Variants in ADAMTS10 observed in about 807,000 individuals in gnomAD.
ADAMTS10 encodes the protein A disintegrin and metalloproteinase with thrombospondin motifs 10.
Under a neutral mutation model 135.9 loss-of-function variants are expected in ADAMTS10, and 48 were observed. The ratio of observed to expected loss-of-function variants is 0.35; its 90% CI spans 0.28 to 0.45. ADAMTS10 has a LOEUF of 0.45. Among genes scored for constraint, ADAMTS10 ranks in the 20% least tolerant of loss-of-function variants. The pLI is 1.00. For missense variants in ADAMTS10, 1,131 were observed against 1,565.2 expected, an observed-to-expected ratio of 0.72 and a Z score of 4.68; for synonymous variants, 621 against 647.5, an observed-to-expected ratio of 0.96 and a Z score of 0.62.
chr19:8,605,313 G>C lies in ADAMTS10; in HGVS notation c.134C>G (p.Thr45Ser). Residue 45 changes from threonine to serine, a missense_variant, in exon 4 of 26, where the codon ACC becomes AGC. Coordinates refer to ENST00000597188, the MANE Select transcript of ADAMTS10 (RefSeq NM_030957.4). The surrounding 1 kb of genome is among the most constrained non-coding windows in gnomAD (Gnocchi z 7.7). ...SLESYEIAFP[T>S]RVDHNGALLA... ...CAGTGCCCCGTTGTGGTCCACGCGG[G>C]TGGGGAAGGCGATCTCATAGCTCTC... The C allele has an allele frequency of 6.2e-7, 1 of 1,610,940 alleles. No individual in the cohort carries two copies. The highest frequency in any genetic ancestry group is 1.1e-5 in the South Asian group (1 of 90,502).
At position 8,596,425 on chromosome 19, in the gene ADAMTS10, A is replaced by G. The variant is rs1319687676; in HGVS notation, c.1085-13T>C. The G allele has an allele frequency of 6.2e-7, 1 of 1,613,680 alleles. No homozygotes were observed. Among genetic ancestry groups the G allele is most frequent in the African/African-American group, 1.3e-5 (1 of 74,928 alleles). On this transcript the variant is annotated splice_polypyrimidine_tract_variant and intron_variant, in intron 9 of 25. Transcript: ENST00000597188. The surrounding 1 kb of genome is among the most constrained non-coding windows in gnomAD (Gnocchi z 7.2). Reference sequence around the variant, plus strand: ...ACCGGGGCCAGGCCTGGGAAGACGGACATGTGGGGATGGGGCTGGGAGGCT... The same window carrying G: ...ACCGGGGCCAGGCCTGGGAAGACGGGCATGTGGGGATGGGGCTGGGAGGCT...
At chr19:8,581,842 A>G (rs1476227389) in intron 25 of ADAMTS10, among the ~76,000 whole-genome samples, 1 of 137,776 alleles carries the variant, frequency 7.3e-6, no homozygotes, top group Admixed American at 7.7e-5. Context: ...CACAAAACAA[A>G]ACAAAAAAAC....
rs145305684 is a variant in ADAMTS10, at chr19:8,581,003, C to T, written c.3203-1G>A. 6.2e-7 allele frequency: 1 copy of T among 1,610,954 alleles called. No individual in the cohort carries two copies. Among genetic ancestry groups the T allele is most frequent in the Non-Finnish European group, 8.5e-7 (1 of 1,177,734 alleles). ...GCGACCTTGTTCACATCCTTGCACT[C>T]TGCGGGGACGGGAGAAGGAAGGAAA... On this transcript the variant is annotated splice_acceptor_variant, in intron 25 of 25. Transcript: ENST00000597188. LOFTEE classifies it high-confidence loss of function.
rs1555736506 is a variant in ADAMTS10, at chr19:8,585,061, G to GGGGGCA, written c.3043-13_3043-8dup. ...CGCCGCACTGTGCAGAGCACTGCGAGGGGGCACCACTCAGTTGCTGCCCCG... is the reference window on the plus strand; with the variant it reads ...CGCCGCACTGTGCAGAGCACTGCGAGGGGGCAGGGGCACCACTCAGTTGCTGCCCCG... On this transcript the variant is annotated splice_polypyrimidine_tract_variant and splice_region_variant and intron_variant, in intron 24 of 25. Coordinates refer to ENST00000597188, the MANE Select transcript of ADAMTS10 (RefSeq NM_030957.4). 6.6e-7 allele frequency: 1 copy of GGGGGCA among 1,517,840 alleles called. No individual in the cohort carries two copies. Among genetic ancestry groups the GGGGGCA allele is most frequent in the Non-Finnish European group, 8.8e-7 (1 of 1,135,610 alleles). 94.0% of individuals were successfully genotyped at this position (1,517,840 alleles called of 1,614,324 possible).
At chr19:8,600,026 G>A (rs1051034594) in intron 6 of ADAMTS10, among the ~76,000 whole-genome samples, 4 of 151,884 alleles carry the variant, frequency 2.6e-5, no homozygotes, top group Non-Finnish European at 4.4e-5. Context: ...TAGTAGAGAC[G>A]GGGTTTCACC....
intron 1 of ADAMTS10, among the ~76,000 whole-genome samples, chr19:8,609,191 C>T (rs986404514): frequency 1.1e-4 from 15 of 139,192 alleles, no homozygotes; most frequent in Non-Finnish European, 2.0e-4. Flanking sequence ...TGATTGTGAG[C>T]GTGTGACTGC....
chr19:8,586,305 G>A (rs782330611), intron 21 of ADAMTS10, 39 bp downstream of exon 21: 1 of 1,613,486 alleles, frequency 6.2e-7, no homozygotes. Context: ...GAGAACCTCA[G>A]CCCAGGTATC....
Position 8,586,113 on chromosome 19 carries a change from G to C in ADAMTS10, c.2660+9C>G. On this transcript the variant is annotated intron_variant, in intron 22 of 25. Transcript: ENST00000597188. ...ACCCTGAGCAACACTGCCCCCTGGC[G>C]GCACTCACTCTGGAGGGCAAGGCTC... 2 of 1,612,754 alleles carry C rather than the reference G, an allele frequency of 1.2e-6. No homozygotes were observed. Among genetic ancestry groups the C allele is most frequent in the African/African-American group, 1.3e-5 (1 of 75,030 alleles).
intron 12 of ADAMTS10, 65 bp from the exon 13 acceptor site, chr19:8,592,935 C>A: frequency 6.9e-7 from 1 of 1,452,428 alleles, no homozygotes; most frequent in Non-Finnish European, 9.4e-7. Flanking sequence ...GCCCGCCCGG[C>A]TTGGGAGGAC....
intron 25 of ADAMTS10, among the ~76,000 whole-genome samples, chr19:8,581,863 A>AC (rs200992363): frequency 0.013 from 1,939 of 149,996 alleles, 16 homozygotes; most frequent in Middle Eastern, 0.021. Context: ...AAAAAAACAA[A>AC]AAAAAAAAAA....
rs782380807 is a variant in ADAMTS10 at position 8,605,650 on chromosome 19, C to T, written c.61G>A (p.Glu21Lys). 28 of 1,613,580 alleles carry T rather than the reference C, an allele frequency of 1.7e-5. No homozygotes were observed. The highest frequency in any genetic ancestry group is 2.7e-5 in the African/African-American group (2 of 74,912). ...ALALGLGLMF[E>K]VTHAFRSQDE... ...TGAGACCGGAAGGCGTGCGTGACCT[C>T]GAACATGAGGCCCAGCCCCAGGGCG... The change falls in exon 3 of 26, where the codon GAG becomes AAG. Residue 21 changes from glutamate to lysine, a missense_variant. By Grantham distance (56) the Glu-to-Lys change is moderately conservative. Around this residue, in one of 3 missense-constraint regions of ADAMTS10, gnomAD observed 306 missense variants for 344.4 expected, o/e 0.89. Coordinates refer to ENST00000597188, the MANE Select transcript of ADAMTS10 (RefSeq NM_030957.4). This position sits in a 1 kb window ranked among gnomAD's most constrained non-coding sequence, Gnocchi z 7.7.
At chr19:8,592,438 A>T (rs1342135368) in intron 13 of ADAMTS10, among the ~76,000 whole-genome samples, 1 of 151,720 alleles carries the variant, frequency 6.6e-6, no homozygotes, top group African/African-American at 2.4e-5. Context: ...AGGGCAGCAC[A>T]GGGGATGGGC....
chr19:8,595,610 G>T, intron 12 of ADAMTS10, 152 bp downstream of exon 12: 3 of 1,232,694 alleles, frequency 2.4e-6, no homozygotes, highest in Non-Finnish European at 3.5e-6. Flanking sequence ...ATGCACCTCT[G>T]TCCTCCCAGG....
At chr19:8,591,914 C>T (rs782783511) in intron 14 of ADAMTS10, 44 bp downstream of exon 14, 20 of 1,611,532 alleles carry the variant, frequency 1.2e-5, no homozygotes, top group Non-Finnish European at 1.6e-5. Context: ...GCGATGGGGG[C>T]AGGGGTCGCG....
Position 8,589,770 on chromosome 19 carries a change from C to T in ADAMTS10, c.1900+119G>A, listed in dbSNP as rs1555738437. 5 of 1,401,150 alleles carry T rather than the reference C, an allele frequency of 3.6e-6. No homozygotes were observed. The African/African-American group carries it at 7.1e-5, about 20-fold the overall frequency. The allele number at this position is 1,401,150 out of a possible 1,614,324, so 86.8% of individuals were successfully genotyped here. ...TGGTACCGTATCCCAGGTACTCTGT[C>T]TCCCCGGGTGGGGACAGGGCTCAGG... On this transcript the variant is annotated intron_variant, in intron 16 of 25. Coordinates refer to ENST00000597188, the MANE Select transcript of ADAMTS10 (RefSeq NM_030957.4).
chr19:8,580,855 A>C lies in ADAMTS10; in HGVS notation c.*38T>G, dbSNP rs1555735598. 1.3e-6 allele frequency: 2 copies of C among 1,513,438 alleles called. No homozygotes were observed. Among genetic ancestry groups the C allele is most frequent in the Non-Finnish European group, 1.8e-6 (2 of 1,110,960 alleles). 93.8% of individuals were successfully genotyped at this position (1,513,438 alleles called of 1,614,324 possible). A position where few individuals can be genotyped will look rare whatever the true frequency, so the allele number is the denominator to read the frequency against. On this transcript the variant is annotated 3_prime_UTR_variant, in exon 26 of 26. Coordinates refer to ENST00000597188, the MANE Select transcript of ADAMTS10 (RefSeq NM_030957.4). Reference sequence around the variant, plus strand: ...CGGCCCGCTGCAGGGCTGGCGGCGGAGACCCCGCCAGCTGTGGCTCCGGGT... The same window carrying C: ...CGGCCCGCTGCAGGGCTGGCGGCGGCGACCCCGCCAGCTGTGGCTCCGGGT...
At position 8,591,956 on chromosome 19, in the gene ADAMTS10, A is replaced by ACCC. The variant is rs782778703; in HGVS notation, c.1733+1_1733+2insGGG. On this transcript the variant is annotated splice_donor_variant, in intron 14 of 25. Coordinates refer to ENST00000597188, the MANE Select transcript of ADAMTS10 (RefSeq NM_030957.4). LOFTEE classifies it high-confidence loss of function. ...TCCCGGGTGGGGGTCCTGAGGGCTG[A>ACCC]CCTGGGGCTGTCGCAGTGACGGCTA... 1 of 1,613,040 alleles carries ACCC rather than the reference A, an allele frequency of 6.2e-7. No individual in the cohort carries two copies.
At chr19:8,582,345 G>A (rs1555736032) in intron 25 of ADAMTS10, among the ~76,000 whole-genome samples, 3 of 152,060 alleles carry the variant, frequency 2.0e-5, no homozygotes, top group Non-Finnish European at 4.4e-5. Flanking sequence ...GCAGGCGCCT[G>A]TAGTCCCAGC....
rs139351304 is a variant in ADAMTS10 at position 8,605,327 on chromosome 19, C to T, written c.120G>A (p.Glu40=). Residue 40 remains glutamate, a synonymous_variant, in exon 4 of 26, where the codon GAG becomes GAA. Transcript: ENST00000597188. The surrounding 1 kb of genome is among the most constrained non-coding windows in gnomAD (Gnocchi z 7.7). ...DEFLSSLESY[E]IAFPTRVDHN... Reference sequence around the variant, plus strand: ...GGTCCACGCGGGTGGGGAAGGCGATCTCATAGCTCTCCAGACTGGACAGGA... The same window carrying T: ...GGTCCACGCGGGTGGGGAAGGCGATTTCATAGCTCTCCAGACTGGACAGGA... 6.2e-7 allele frequency: 1 copy of T among 1,607,480 alleles called. No homozygotes were observed. Among genetic ancestry groups the T allele is most frequent in the Non-Finnish European group, 8.5e-7 (1 of 1,177,134 alleles).
Sources: allele counts gnomAD v4.1 joint callset (sites outside exome capture counted in the v4.1 genomes callset), GRCh38; gene constraint gnomAD v4.1.1; regional missense constraint gnomAD v4.1.1; non-coding constraint Gnocchi (gnomAD v3.1); transcripts MANE v1.5; gene names NCBI Gene and HGNC (gene_info 2026-07-23, HGNC 2026-07-21).